The following CCDC157 variants were observed in gnomAD, a reference collection of about 807,000 sequenced individuals.
CCDC157 encodes the protein coiled-coil domain-containing protein 157.
Under a neutral mutation model 70.9 loss-of-function variants are expected in CCDC157, and 60 were observed. The observed-to-expected ratio is 0.85, with a 90% CI of 0.69 to 1.05. The LOEUF (loss-of-function observed/expected upper bound fraction) is 1.05, where lower values mean the gene tolerates loss of function less well. CCDC157 is among the 50% of genes least tolerant of loss of function. CCDC157 has a pLI of 0.00. For missense variants in CCDC157, 943 were observed against 984.2 expected (o/e 0.96, Z 0.56); for synonymous variants, 373 against 422.4 (o/e 0.88, Z 1.43).
rs1465692412 is a variant in CCDC157 at position 30,372,229 on chromosome 22, C to T, written c.1278C>T (p.Ala426=). 1.3e-6 allele frequency: 2 copies of T among 1,596,374 alleles called. No homozygotes were observed. Among genetic ancestry groups the T allele is most frequent in the Non-Finnish European group, 8.5e-7 (1 of 1,174,904 alleles). Residue 426 remains alanine, a synonymous_variant, in exon 7 of 12, where the codon GCC becomes GCT. Transcript: ENST00000338306. ...LEGAGQQVCW[A]STELDKEKAR... ...GCGCTGGCCAGCAGGTCTGCTGGGC[C>T]AGCACGGAGCTGGATAAGGAGAAGG...
At position 30,373,767 on chromosome 22, in the gene CCDC157, G is replaced by A. The variant is rs748329170; in HGVS notation, c.1503+3G>A. ...AATGCCAGCTCAGGGCCCAGCAGGT[G>A]AGGGTGGGGGTCTTCCTTTTTGCCA... On this transcript the variant is annotated splice_donor_region_variant and intron_variant, in intron 8 of 11. Coordinates refer to ENST00000338306, the MANE Select transcript of CCDC157 (RefSeq NM_001017437.5). The A allele has an allele frequency of 4.5e-6, 7 of 1,547,060 alleles. No individual in the cohort carries two copies. The South Asian group carries it at 8.3e-5, about 18-fold the overall frequency.
In CCDC157 at chr22:30,370,728, T is replaced by C. The variant is rs553097316; in HGVS notation, c.823T>C (p.Trp275Arg). Residue 275 changes from tryptophan to arginine, a missense_variant, in exon 5 of 12, where the codon TGG becomes CGG. Physicochemically the swap from Trp to Arg is moderately radical, Grantham distance 101. Coordinates refer to ENST00000338306, the MANE Select transcript of CCDC157 (RefSeq NM_001017437.5). ...ACTGCCGGCTGCCACCGTGGGCCGC[T>C]GGGCAGCAGAGCAGAGGAAAGACCT... ...RPLPAATVGR[W>R]AAEQRKDLTR... is the part of the protein sequence containing the mutation. 43 of 1,613,484 alleles carry C rather than the reference T, an allele frequency of 2.7e-5. 1 individual carries two copies. In the South Asian group the frequency reaches 4.4e-4, roughly 16 times the overall value.
intron 6 of CCDC157, 47 bp from the exon 7 acceptor site, chr22:30,372,028 C>G: frequency 7.7e-7 from 1 of 1,290,668 alleles, no homozygotes; most frequent in Non-Finnish European, 1.1e-6. Context: ...TGAGGTAGTA[C>G]AGCGCTCCCC....
chr22:30,357,964 G>T (rs1320336797), intron 1 of CCDC157, among the ~76,000 whole-genome samples: 1 of 152,166 alleles, frequency 6.6e-6, no homozygotes, highest in African/African-American at 2.4e-5. Context: ...ACGCAGGGCT[G>T]CTGCTTTAGG....
At position 30,376,298 on chromosome 22, in the gene CCDC157, G is replaced by T. The variant is rs780099997; in HGVS notation, c.1897G>T (p.Gly633Ter). 3 of 1,611,802 alleles carry T rather than the reference G, an allele frequency of 1.9e-6. No individual in the cohort carries two copies. Among genetic ancestry groups the T allele is most frequent in the Non-Finnish European group, 1.7e-6 (2 of 1,179,114 alleles). Residue 633 changes from glycine to a stop codon, truncating the protein, a stop_gained, in exon 11 of 12, where the codon GGA becomes TGA. Transcript: ENST00000338306. LOFTEE classifies it low-confidence loss of function (END_TRUNC). ...QDRLWSPSSK[G>*]TQGATPPVQA... is the part of the protein sequence containing the mutation. ...CCGGCTCTGGTCCCCTTCCAGCAAG[G>T]GAACCCAGGGAGCAACACCACCAGT...
At position 30,370,730 on chromosome 22, in the gene CCDC157, G is replaced by T. The variant is rs145788485; in HGVS notation, c.825G>T (p.Trp275Cys). 6.2e-7 allele frequency: 1 copy of T among 1,613,432 alleles called. No homozygotes were observed. The highest frequency in any genetic ancestry group is 1.3e-5 in the African/African-American group (1 of 74,952). ...RPLPAATVGR[W>C]AAEQRKDLTR... is the part of the protein sequence containing the mutation. ...TGCCGGCTGCCACCGTGGGCCGCTGGGCAGCAGAGCAGAGGAAAGACCTGA... is the reference window on the plus strand; with the variant it reads ...TGCCGGCTGCCACCGTGGGCCGCTGTGCAGCAGAGCAGAGGAAAGACCTGA... The change falls in exon 5 of 12, where the codon TGG (tryptophan) becomes TGT (cysteine). Residue 275 changes from tryptophan (W) to cysteine (C), a missense_variant. By Grantham distance (215) the Trp-to-Cys change is radical. Transcript: ENST00000338306.
intron 2 of CCDC157, among the ~76,000 whole-genome samples, chr22:30,362,979 G>T (rs1050252462): frequency 6.6e-6 from 1 of 152,190 alleles, no homozygotes; most frequent in African/African-American, 2.4e-5. Context: ...AGCAGCCCCT[G>T]CTTCAGGGAG....
chr22:30,373,820 G>A, intron 8 of CCDC157, 56 bp downstream of exon 8: 1 of 1,533,970 alleles, frequency 6.5e-7, no homozygotes, highest in East Asian at 2.4e-5. Context: ...CTGAGTGCCT[G>A]CAGGCCTGTC....
At chr22:30,357,297 C>T (rs1931958804) in intron 1 of CCDC157, among the ~76,000 whole-genome samples, 165 bp downstream of exon 1, 2 of 152,208 alleles carry the variant, frequency 1.3e-5, no homozygotes, top group South Asian at 4.1e-4. Context: ...GGCTCACCGC[C>T]TAAGAGCCCC....
rs1349263629 is a variant in CCDC157, at chr22:30,377,694, TCTGAGGGGCCTGGGAGTTC to T, written c.*957_*975del. 3.4e-5 allele frequency: 6 copies of T among 176,874 alleles called. No individual in the cohort carries two copies. Among genetic ancestry groups the T allele is most frequent in the Non-Finnish European group, 6.1e-5 (5 of 81,652 alleles). The allele number at this position is 176,874 out of a possible 1,614,324, so 11.0% of individuals were successfully genotyped here. A position where few individuals can be genotyped will look rare whatever the true frequency, so the allele number is the denominator to read the frequency against. On this transcript the variant is annotated 3_prime_UTR_variant, in exon 12 of 12. Transcript: ENST00000338306. ...GCTTTGGTCAGCCCAACTTCCTGCT[TCTGAGGGGCCTGGGAGTTC>T]CTGAGGGAGGCTGGGGTGCCCCGGG...
chr22:30,361,205 G>GCCACTGTA, intron 1 of CCDC157, among the ~76,000 whole-genome samples: 1 of 145,054 alleles, frequency 6.9e-6, no homozygotes, highest in African/African-American at 2.6e-5. Context: ...CTGAGATTGT[G>GCCACTGTA]CCACTGTACT....
At position 30,373,947 on chromosome 22, in the gene CCDC157, G is replaced by A; in HGVS notation, c.1528G>A (p.Glu510Lys). 1.9e-6 allele frequency: 3 copies of A among 1,612,136 alleles called. No homozygotes were observed. Among genetic ancestry groups the A allele is most frequent in the Non-Finnish European group, 2.5e-6 (3 of 1,179,282 alleles). Residue 510 changes from glutamate (E) to lysine (K), a missense_variant, in exon 9 of 12, where the codon GAG (glutamate) becomes AAG (lysine). By Grantham distance (56) the Glu-to-Lys change is moderately conservative. Coordinates refer to ENST00000338306, the MANE Select transcript of CCDC157 (RefSeq NM_001017437.5). ...GGAGCTGCTGCAGAGCCTGCAGAGG[G>A]AGAAGCAAGGCCTGGAGCAGGCGAC... Reference protein sequence around the residue: ...QQELLQSLQREKQGLEQATTD... With the variant: ...QQELLQSLQRKKQGLEQATTD...
intron 9 of CCDC157, 22 bp from the exon 10 acceptor site, chr22:30,375,457 G>T: frequency 6.2e-7 from 1 of 1,613,088 alleles, no homozygotes; most frequent in Non-Finnish European, 8.5e-7. Context: ...TCCCTTCTAA[G>T]GTCCTGTCCC....
rs776024216 is a variant in CCDC157, at chr22:30,370,620, A to C, written c.715A>C (p.Ile239Leu). 2 of 1,614,108 alleles carry C rather than the reference A, an allele frequency of 1.2e-6. No individual in the cohort carries two copies. Among genetic ancestry groups the C allele is most frequent in the East Asian group, 4.5e-5 (2 of 44,886 alleles). ...CCTGCAGAAGGTGGGCAAGGTGGTC[A>C]TCAGCCTGTGTCAGAGCCAGAACCT... ...GSLQKVGKVV[I>L]SLCQSQNLPS... The change falls in exon 5 of 12, where the codon ATC becomes CTC. Residue 239 changes from isoleucine (I) to leucine (L), a missense_variant. Transcript: ENST00000338306.
In CCDC157 at chr22:30,376,440, G is replaced by T; in HGVS notation, c.1954G>T (p.Gly652Cys). ...QAKSTSPGPL[G>C]RQHLPSSRTG... ...GATCTGGTTTTCCTTCAGGCCTCTG[G>T]GCAGACAGCACCTTCCTAGCAGCAG... The change falls in exon 12 of 12, where the codon GGC becomes TGC. Residue 652 changes from glycine (G) to cysteine (C), a missense_variant. Coordinates refer to ENST00000338306, the MANE Select transcript of CCDC157 (RefSeq NM_001017437.5). 6.2e-7 allele frequency: 1 copy of T among 1,613,802 alleles called. No homozygotes were observed. Among genetic ancestry groups the T allele is most frequent in the Non-Finnish European group, 8.5e-7 (1 of 1,179,934 alleles).
Position 30,377,600 on chromosome 22 carries a change from C to T in CCDC157, c.*855C>T, listed in dbSNP as rs923415416. On this transcript the variant is annotated 3_prime_UTR_variant, in exon 12 of 12. Coordinates refer to ENST00000338306, the MANE Select transcript of CCDC157 (RefSeq NM_001017437.5). ...AAGCATTTTCCCTTGGTGAAGAGGC[C>T]GTCAGGTAGAGCACCTCAGTTCACA... 2 of 153,528 alleles carry T rather than the reference C, an allele frequency of 1.3e-5. No individual in the cohort carries two copies. The highest frequency in any genetic ancestry group is 2.9e-5 in the Non-Finnish European group (2 of 68,898). 9.5% of individuals were successfully genotyped at this position (153,528 alleles called of 1,614,324 possible). A position where few individuals can be genotyped will look rare whatever the true frequency, so the allele number is the denominator to read the frequency against.
chr22:30,371,148 C>T, intron 5 of CCDC157, 198 bp downstream of exon 5: 1 of 669,114 alleles, frequency 1.5e-6, no homozygotes, highest in African/African-American at 1.8e-5. Flanking sequence ...CTCAGTCCCA[C>T]TGGGGCCACC....
chr22:30,366,100 C>T lies in CCDC157; in HGVS notation c.100C>T (p.Pro34Ser). Reference sequence around the variant, plus strand: ...CGTAGACGTCTTCTCCCGCGCCGGGCCTGTGCGCTTCCCCTCCTGGAAGTT... The same window carrying T: ...CGTAGACGTCTTCTCCCGCGCCGGGTCTGTGCGCTTCCCCTCCTGGAAGTT... ...AIVDVFSRAG[P>S]VRFPSWKFPD... The change falls in exon 3 of 12, where the codon CCT becomes TCT. Residue 34 changes from proline (P) to serine (S), a missense_variant. By Grantham distance (74) the Pro-to-Ser change is moderately conservative. Transcript: ENST00000338306. 1.2e-6 allele frequency: 2 copies of T among 1,612,664 alleles called. No homozygotes were observed. Among genetic ancestry groups the T allele is most frequent in the Non-Finnish European group, 1.7e-6 (2 of 1,179,968 alleles).
intron 1 of CCDC157, among the ~76,000 whole-genome samples, chr22:30,361,247 CAAA>C (rs33971565): frequency 1.1e-4 from 7 of 62,198 alleles, no homozygotes; most frequent in African/African-American, 3.3e-4. Context: ...GACTCTGTCT[CAAA>C]AAAAAAAAAA....
Sources: allele counts gnomAD v4.1 joint callset (sites outside exome capture counted in the v4.1 genomes callset), GRCh38; gene constraint gnomAD v4.1.1; transcripts MANE v1.5; gene names NCBI Gene and HGNC (gene_info 2026-07-23, HGNC 2026-07-21).